NOS1: variants seen among roughly 807,000 people sequenced by gnomAD.
NOS1 encodes the protein NOS type I.
Under a neutral mutation model 164.5 loss-of-function variants are expected in NOS1, and 51 were observed. The observed-to-expected ratio is 0.31, with a 90% CI of 0.25 to 0.39. The LOEUF is 0.39. NOS1 is among the 10% of genes least tolerant of loss of function. The pLI is 1.00. For synonymous variants in NOS1, 719 were observed against 745.8 expected, an observed-to-expected ratio of 0.96 and a Z score of 0.59; for missense variants, 1,362 against 1,885.6, an observed-to-expected ratio of 0.72 and a Z score of 5.14.
At chr12:117,260,406 C>T (rs974562250) in intron 14 of NOS1, 59 bp downstream of exon 14, 31 of 1,590,236 alleles carry the variant, frequency 1.9e-5, no homozygotes, top group Non-Finnish European at 2.6e-5. Flanking sequence ...TCCCTCTCTC[C>T]CCTTCCTGCC....
At chr12:117,338,166 G>A (rs1263569892) in intron 1 of NOS1, among the ~76,000 whole-genome samples, 1 of 152,036 alleles carries the variant, frequency 6.6e-6, no homozygotes, top group Non-Finnish European at 1.5e-5. Context: ...GCAGTGAGGC[G>A]AGATTGCGCC....
chr12:117,340,785 G>A (rs1468001060), intron 1 of NOS1, among the ~76,000 whole-genome samples: 11 of 151,310 alleles, frequency 7.3e-5, no homozygotes, highest in South Asian at 2.1e-4. Context: ...GTGCAGTGGC[G>A]TGATCTTGGC....
At chr12:117,326,914 G>C (rs1182866693) in intron 2 of NOS1, among the ~76,000 whole-genome samples, 1 of 152,170 alleles carries the variant, frequency 6.6e-6, no homozygotes, top group Non-Finnish European at 1.5e-5. Context: ...ACTGTCGGCT[G>C]GGGGAGAGGA....
chr12:117,223,493 C>T (rs1592925955), intron 25 of NOS1, among the ~76,000 whole-genome samples: 1 of 152,128 alleles, frequency 6.6e-6, no homozygotes, highest in Middle Eastern at 3.4e-3. Context: ...AACTCCTGAC[C>T]TTGTGATCTG....
At position 117,274,202 on chromosome 12, in the gene NOS1, A is replaced by G. The variant is rs151162000; in HGVS notation, c.1665-1643T>C. 1.9e-3 allele frequency among the ~76,000 whole-genome samples: 288 copies of G among 152,328 alleles called. 1 individual carries two copies. The highest frequency in any genetic ancestry group is 4.3e-3 in the Admixed American group (66 of 15,302). On this transcript the variant is annotated intron_variant, in intron 9 of 28. Transcript: ENST00000317775. ...CAAAGAAGATAGATAACCAACAAAT[A>G]CAGGAAGAAATGCTCAGCTTCACTC...
intron 2 of NOS1, among the ~76,000 whole-genome samples, chr12:117,328,552 T>C (rs901298038): frequency 6.7e-6 from 1 of 149,904 alleles, no homozygotes; most frequent in Non-Finnish European, 1.5e-5. Context: ...CATCCTTCCC[T>C]GCTTTTTTTT....
chr12:117,337,785 T>G (rs1292265482), intron 1 of NOS1, among the ~76,000 whole-genome samples: 1 of 152,058 alleles, frequency 6.6e-6, no homozygotes, highest in South Asian at 2.1e-4. Context: ...TCCAAAATCT[T>G]GCTTCCAAGT....
chr12:117,339,603 A>G (rs1296624676), intron 1 of NOS1, among the ~76,000 whole-genome samples: 2 of 152,238 alleles, frequency 1.3e-5, no homozygotes, highest in Non-Finnish European at 2.9e-5. Context: ...GAATATCTGA[A>G]TATCAAGAGA....
chr12:117,258,471 T>G lies in NOS1; in HGVS notation c.2473-16A>C. The G allele has an allele frequency of 6.2e-7, 1 of 1,613,678 alleles. No individual in the cohort carries two copies. The highest frequency in any genetic ancestry group is 8.5e-7 in the Non-Finnish European group (1 of 1,179,664). ...AGCCGAATTTCTGGAAGCCAAAACA[T>G]ATGGGTGAAATTAGCACATCTTAGT... On this transcript the variant is annotated splice_polypyrimidine_tract_variant and intron_variant, in intron 15 of 28. Transcript: ENST00000317775.
At chr12:117,268,381 CCA>C (rs1872572140) in intron 10 of NOS1, among the ~76,000 whole-genome samples, 1 of 151,876 alleles carries the variant, frequency 6.6e-6, no homozygotes, top group Non-Finnish European at 1.5e-5. Flanking sequence ...CAGGCTTCTG[CCA>C]CTATGCCTGG....
chr12:117,232,773 T>C (rs1869354196), intron 21 of NOS1, among the ~76,000 whole-genome samples: 1 of 152,194 alleles, frequency 6.6e-6, no homozygotes. Context: ...TCCCTAAATA[T>C]AAGCCTCTTC....
intron 21 of NOS1, among the ~76,000 whole-genome samples, chr12:117,232,762 G>A (rs9658487): frequency 0.018 from 2,722 of 152,130 alleles, 82 homozygotes; most frequent in African/African-American, 0.061. Flanking sequence ...CATCCAATAC[G>A]TCCCTAAATA....
intron 3 of NOS1, among the ~76,000 whole-genome samples, chr12:117,295,272 G>A (rs1189587235): frequency 6.6e-6 from 1 of 152,182 alleles, no homozygotes; most frequent in Admixed American, 6.5e-5. Context: ...AGCTAAGAAG[G>A]ATTTTTTCCA....
intron 2 of NOS1, among the ~76,000 whole-genome samples, chr12:117,329,049 G>A (rs1208475170): frequency 2.6e-5 from 4 of 152,196 alleles, no homozygotes; most frequent in Non-Finnish European, 5.9e-5. Context: ...TAACAATACA[G>A]TTTTATAATC....
chr12:117,222,965 G>A (rs1868355115), intron 25 of NOS1, 102 bp from the exon 26 acceptor site: 25 of 1,323,268 alleles, frequency 1.9e-5, no homozygotes, highest in Non-Finnish European at 2.6e-5. Context: ...CGTGTGCCAT[G>A]CGGATAGAGG....
Position 117,356,992 on chromosome 12 carries a change from C to A in NOS1, c.-421+4520G>T, listed in dbSNP as rs1286748753. On this transcript the variant is annotated intron_variant, in intron 1 of 28. Transcript: ENST00000317775. The surrounding 1 kb of genome is among the most constrained non-coding windows in gnomAD (Gnocchi z 4.2). ...GGGTTTATTAGCTCTGTGATTACTT[C>A]TTTGCAGAAGTTATACCTGATAGGT... Among the ~76,000 whole-genome samples the A allele has an allele frequency of 6.6e-6, 1 of 152,172 alleles. No homozygotes were observed. The highest frequency in any genetic ancestry group is 1.9e-4 in the East Asian group (1 of 5,192).
intron 7 of NOS1, among the ~76,000 whole-genome samples, chr12:117,282,993 C>G (rs918193566): frequency 6.6e-6 from 1 of 151,194 alleles, no homozygotes; most frequent in Non-Finnish European, 1.5e-5. Context: ...CTCTTCTTCT[C>G]TCTGCTGTCC....
intron 17 of NOS1, among the ~76,000 whole-genome samples, chr12:117,249,507 G>T (rs1299379725): frequency 6.6e-6 from 1 of 152,148 alleles, no homozygotes; most frequent in African/African-American, 2.4e-5. Flanking sequence ...TGAAGATAAT[G>T]AAACTATAAT....
In NOS1 at chr12:117,309,476, A is replaced by G. The variant is rs1874321088; in HGVS notation, c.852+1990T>C. Reference sequence around the variant, plus strand: ...GCTGGCAGTGAAAGCTGCCATCTGTAGGCCAAGCATCAGGAAAATGAAGCC... The same window carrying G: ...GCTGGCAGTGAAAGCTGCCATCTGTGGGCCAAGCATCAGGAAAATGAAGCC... On this transcript the variant is annotated intron_variant, in intron 3 of 28. Coordinates refer to ENST00000317775, the MANE Select transcript of NOS1 (RefSeq NM_000620.5). 6 of 686,146 alleles carry G rather than the reference A, an allele frequency of 8.7e-6. No individual in the cohort carries two copies. The South Asian group carries it at 3.3e-4, about 38-fold the overall frequency. 42.5% of individuals were successfully genotyped at this position (686,146 alleles called of 1,614,324 possible).
Sources: gnomAD v4.1 joint callset for allele counts (sites outside exome capture counted in the v4.1 genomes callset) on GRCh38, gnomAD v4.1.1 for gene constraint, Gnocchi (gnomAD v3.1) non-coding constraint, MANE v1.5 for transcripts, NCBI Gene and HGNC (gene_info 2026-07-23, HGNC 2026-07-21) for gene names.